A2ML1: variants seen among roughly 807,000 people sequenced by gnomAD.
A2ML1 encodes the protein alpha-2-macroglobulin-like protein 1.
A neutral mutation model predicts 181.9 loss-of-function variants in A2ML1; 161 were observed. The ratio of observed to expected loss-of-function variants is 0.89; its 90% CI spans 0.78 to 1.01. The LOEUF is 1.01. A2ML1 is among the 50% of genes least tolerant of loss of function. A2ML1 has a pLI of 0.00. For synonymous variants in A2ML1, 663 were observed against 666.8 expected (o/e 0.99, Z 0.09); for missense variants, 1,670 against 1,768.1 (o/e 0.94, Z 1.00).
chr12:8,873,242 A>AT (rs775312034), intron 33 of A2ML1, among the ~76,000 whole-genome samples: 30,630 of 142,142 alleles, frequency 0.22, 3,415 homozygotes, highest in African/African-American at 0.27. Context: ...TTATAATACG[A>AT]TTTTTTTTTT....
chr12:8,881,904 G>A (rs963878185), intron 7 of A2ML1, among the ~76,000 whole-genome samples: 13 of 151,914 alleles, frequency 8.6e-5, no homozygotes, highest in East Asian at 5.8e-4. Context: ...CCAGCTACTC[G>A]GGAGGCTGAG....
intron 18 of A2ML1, among the ~76,000 whole-genome samples, chr12:8,850,990 T>A (rs1943869399): frequency 6.6e-6 from 1 of 152,144 alleles, no homozygotes; most frequent in African/African-American, 2.4e-5. Flanking sequence ...CCACCCGCCT[T>A]GGCCTCCCAA....
chr12:8,866,935 T>G (rs1272954071), intron 29 of A2ML1, among the ~76,000 whole-genome samples: 1 of 152,234 alleles, frequency 6.6e-6, no homozygotes, highest in Admixed American at 6.5e-5. Flanking sequence ...TTTCCCCTTG[T>G]AATTTATATG....
At chr12:8,850,076 T>C (rs1159283315) in intron 17 of A2ML1, 84 bp from the exon 18 acceptor site, 2 of 1,076,556 alleles carry the variant, frequency 1.9e-6, no homozygotes, top group Non-Finnish European at 2.7e-6. Flanking sequence ...TCTAAATTTC[T>C]TTCTAGTAAT....
At position 8,868,253 on chromosome 12, in the gene A2ML1, C is replaced by A; in HGVS notation, c.3957C>A (p.Leu1319=). Residue 1319 remains leucine, a synonymous_variant, in exon 31 of 36, where the codon CTC becomes CTA. Coordinates refer to ENST00000299698, the MANE Select transcript of A2ML1 (RefSeq NM_144670.6). ...YVQTVLRYNI[L]PPTNMKTFSL... Reference sequence around the variant, plus strand: ...AGACGGTGTTGAGATACAATATTCTCCCTCCCACAAATATGAAGACCTTTA... The same window carrying A: ...AGACGGTGTTGAGATACAATATTCTACCTCCCACAAATATGAAGACCTTTA... 6.2e-7 allele frequency: 1 copy of A among 1,613,848 alleles called. No individual in the cohort carries two copies. Among genetic ancestry groups the A allele is most frequent in the South Asian group, 1.1e-5 (1 of 90,948 alleles).
At chr12:8,865,978 A>C (rs1374418086) in intron 29 of A2ML1, among the ~76,000 whole-genome samples, 3 of 152,194 alleles carry the variant, frequency 2.0e-5, no homozygotes, top group Non-Finnish European at 4.4e-5. Flanking sequence ...GACCTGAAAG[A>C]ATGAACATCT....
rs12320470 is a variant in A2ML1 at position 8,855,681 on chromosome 12, C to T, written c.2848+89C>T. On this transcript the variant is annotated intron_variant, in intron 23 of 35. Coordinates refer to ENST00000299698, the MANE Select transcript of A2ML1 (RefSeq NM_144670.6). ...GTGGGGCGGGACATACGGACCTATC[C>T]GGAGAGTGTAACTAATAACAAGTGA... is the stretch of plus-strand genomic sequence containing the variant. The T allele has an allele frequency of 5.6e-3, 6,907 of 1,225,312 alleles. 303 individuals carry two copies. The African/African-American group carries it at 0.091, about 16-fold the overall frequency. 75.9% of individuals were successfully genotyped at this position (1,225,312 alleles called of 1,614,324 possible).
intron 4 of A2ML1, among the ~76,000 whole-genome samples, chr12:8,832,650 C>T (rs1943153732): frequency 6.6e-6 from 1 of 152,102 alleles, no homozygotes. Context: ...GGTTTTATAA[C>T]ACCTTAATCT....
At position 8,845,191 on chromosome 12, in the gene A2ML1, A is replaced by G. The variant is rs574103510; in HGVS notation, c.1477-251A>G. ...TTATCTATGGTGAGGAACAATTTCTATGCTGTCAGACTCCTCCCATCCACC... is the reference window on the plus strand; with the variant it reads ...TTATCTATGGTGAGGAACAATTTCTGTGCTGTCAGACTCCTCCCATCCACC... On this transcript the variant is annotated intron_variant, in intron 12 of 35. Transcript: ENST00000299698. 892 of 1,533,886 alleles carry G rather than the reference A, an allele frequency of 5.8e-4. No individual in the cohort carries two copies. Among genetic ancestry groups the G allele is most frequent in the Non-Finnish European group, 7.5e-4 (865 of 1,146,122 alleles).
rs777559324 is a variant in A2ML1, at chr12:8,836,335, T to C, written c.724T>C (p.Cys242Arg). Reference sequence around the variant, plus strand: ...GGAATCTTTCTTAGTAAAAATTTGTTGTAGGTAAGAGCAGAAGCTTGGGAT... The same window carrying C: ...GGAATCTTTCTTAGTAAAAATTTGTCGTAGGTAAGAGCAGAAGCTTGGGAT... ...VQESFLVKIC[C>R]RYTYGKPMLG... The change falls in exon 7 of 36, where the codon TGT becomes CGT. Residue 242 changes from cysteine (C) to arginine (R), a missense_variant. Physicochemically the swap from Cys to Arg is radical, Grantham distance 180 (BLOSUM62 -3). Transcript: ENST00000299698. The C allele has an allele frequency of 3.7e-6, 6 of 1,613,654 alleles. No homozygotes were observed. The South Asian group carries it at 6.6e-5, about 18-fold the overall frequency.
chr12:8,828,403 C>T (rs755519722), intron 3 of A2ML1, among the ~76,000 whole-genome samples: 7 of 152,258 alleles, frequency 4.6e-5, no homozygotes, highest in Non-Finnish European at 5.9e-5. Context: ...CACAGGAGTA[C>T]TGCCTGGATA....
At chr12:8,875,647 C>A (rs1487730024) in intron 35 of A2ML1, 1 of 152,088 alleles carries the variant, frequency 6.6e-6, no homozygotes, top group East Asian at 1.9e-4. Context: ...CCATGTTGGT[C>A]AGGCTGGTCT....
chr12:8,831,325 G>A (rs919993644), intron 4 of A2ML1, among the ~76,000 whole-genome samples: 2 of 152,124 alleles, frequency 1.3e-5, no homozygotes, highest in Non-Finnish European at 2.9e-5. Flanking sequence ...AGCGTGGCCC[G>A]CAGCAGCACT....
intron 29 of A2ML1, among the ~76,000 whole-genome samples, chr12:8,867,050 A>G (rs1442611458): frequency 1.3e-5 from 2 of 152,226 alleles, no homozygotes; most frequent in African/African-American, 4.8e-5. Context: ...GTCACATGGT[A>G]TAATGGCTAA....
Position 8,863,838 on chromosome 12 carries a change from G to A in A2ML1, c.3547G>A (p.Ala1183Thr), listed in dbSNP as rs766181132. 16 of 1,614,042 alleles carry A rather than the reference G, an allele frequency of 9.9e-6. No individual in the cohort carries two copies. The highest frequency in any genetic ancestry group is 5.3e-5 in the African/African-American group (4 of 74,914). Residue 1183 changes from alanine (A) to threonine (T), a missense_variant, in exon 29 of 36, where the codon GCC becomes ACC. Coordinates refer to ENST00000299698, the MANE Select transcript of A2ML1 (RefSeq NM_144670.6). ...WSQKPTPSSNASPWSEPAAVD... is the reference protein window; with the variant it reads ...WSQKPTPSSNTSPWSEPAAVD... ...CCAGAAACCTACTCCATCATCGAAC[G>A]CCAGCCCTTGGTCTGAGCCTGCGGC...
intron 16 of A2ML1, 119 bp downstream of exon 16, chr12:8,849,033 G>T: frequency 8.8e-7 from 1 of 1,142,164 alleles, no homozygotes; most frequent in East Asian, 2.5e-5. Context: ...ACAAAATCTT[G>T]AAAGAAGCTT....
intron 10 of A2ML1, among the ~76,000 whole-genome samples, 168 bp from the exon 11 acceptor site, chr12:8,841,201 C>T (rs776053281): frequency 6.6e-6 from 1 of 152,314 alleles, no homozygotes; most frequent in East Asian, 1.9e-4. Context: ...GCTTGAATCA[C>T]ATTTATCTTT....
At position 8,849,753 on chromosome 12, in the gene A2ML1, A is replaced by G. The variant is rs373817400; in HGVS notation, c.2113A>G (p.Met705Val). ...CAGATCTCCAGAATACAGCACTGCT[A>G]TGGGTGGTAAGCCACCTCTGTGGTC... is the stretch of plus-strand genomic sequence containing the variant. Reference protein sequence around the residue: ...SHRSPEYSTAMGAGGGHPEAF... With the variant: ...SHRSPEYSTAVGAGGGHPEAF... Residue 705 changes from methionine to valine, a missense_variant, in exon 17 of 36, where the codon ATG (methionine) becomes GTG (valine). Met to Val is a conservative substitution (Grantham distance 21, BLOSUM62 1). Coordinates refer to ENST00000299698, the MANE Select transcript of A2ML1 (RefSeq NM_144670.6). 1.4e-5 allele frequency: 22 copies of G among 1,614,014 alleles called. No individual in the cohort carries two copies. Among genetic ancestry groups the G allele is most frequent in the African/African-American group, 1.3e-4 (10 of 74,936 alleles).
chr12:8,868,898 G>A (rs1029523948), intron 32 of A2ML1, among the ~76,000 whole-genome samples: 7 of 151,938 alleles, frequency 4.6e-5, no homozygotes, highest in Non-Finnish European at 1.0e-4. Flanking sequence ...GTGCATGTAT[G>A]TACATATATG....
Sources: gnomAD v4.1 joint callset for allele counts (sites outside exome capture counted in the v4.1 genomes callset) on GRCh38, gnomAD v4.1.1 for gene constraint, MANE v1.5 for transcripts, NCBI Gene and HGNC (gene_info 2026-07-23, HGNC 2026-07-21) for gene names.